The following VAC14 variants were observed in gnomAD, a reference collection of about 807,000 sequenced individuals.
The protein encoded by VAC14 is protein VAC14 homolog.
VAC14 carries 47 observed loss-of-function variants against 85.3 expected under a neutral mutation model. That is an observed-to-expected ratio of 0.55 (90% CI 0.44 to 0.70). VAC14 has a LOEUF of 0.70. Among genes scored for constraint, VAC14 ranks in the 30% least tolerant of loss-of-function variants. The pLI, the probability that VAC14 is intolerant of heterozygous loss-of-function variation, is 0.00. For missense variants in VAC14, 861 were observed against 1,004.3 expected (o/e 0.86, Z 1.93); for synonymous variants, 447 against 430.5 (o/e 1.04, Z -0.47).
chr16:70,693,844 C>A (rs948400539), intron 17 of VAC14, among the ~76,000 whole-genome samples: 4 of 152,322 alleles, frequency 2.6e-5, no homozygotes, highest in African/African-American at 9.6e-5. Flanking sequence ...GACTATGTCA[C>A]CCCTGGAGCG....
chr16:70,713,257 C>G (rs780497988), intron 14 of VAC14, among the ~76,000 whole-genome samples: 1 of 152,180 alleles, frequency 6.6e-6, no homozygotes. Flanking sequence ...TCAATGGAGA[C>G]GAAGCCCCCA....
chr16:70,737,509 C>T (rs1448662559), intron 13 of VAC14, among the ~76,000 whole-genome samples: 1 of 152,160 alleles, frequency 6.6e-6, no homozygotes, highest in East Asian at 1.9e-4. Flanking sequence ...AGAGTGCCAT[C>T]CCTCAGCTGA....
At position 70,688,069 on chromosome 16, in the gene VAC14, G is replaced by A. The variant is rs569266164; in HGVS notation, c.2208C>T (p.Pro736=). 1.9e-6 allele frequency: 3 copies of A among 1,592,030 alleles called. No individual in the cohort carries two copies. Among genetic ancestry groups the A allele is most frequent in the African/African-American group, 2.7e-5 (2 of 74,058 alleles). Reference sequence around the variant, plus strand: ...TAGGGGAGTCAGCTTTCTGGGACTTGGGGGCTGCCTTTAGACTGTCTCTGG... The same window carrying A: ...TAGGGGAGTCAGCTTTCTGGGACTTAGGGGCTGCCTTTAGACTGTCTCTGG... ...LQTEDSLKAA[P]KSQKADSPSI... is the part of the protein sequence containing the mutation. The change falls in exon 19 of 19, where the codon CCC becomes CCT. Residue 736 remains proline (P), a synonymous_variant. Coordinates refer to ENST00000261776, the MANE Select transcript of VAC14 (RefSeq NM_018052.5).
chr16:70,737,307 C>A (rs1336154276), intron 13 of VAC14, among the ~76,000 whole-genome samples: 1 of 152,206 alleles, frequency 6.6e-6, no homozygotes, highest in East Asian at 1.9e-4. Context: ...GCTCCGAGGA[C>A]CTCAGCGGTT....
At chr16:70,787,364 G>C (rs2034113242) in intron 1 of VAC14, among the ~76,000 whole-genome samples, 1 of 152,168 alleles carries the variant, frequency 6.6e-6, no homozygotes, top group East Asian at 1.9e-4. Flanking sequence ...GGGTAGGGTA[G>C]ACAGTGCCCC....
chr16:70,705,954 A>C (rs1422212140), intron 14 of VAC14, among the ~76,000 whole-genome samples: 1 of 152,182 alleles, frequency 6.6e-6, no homozygotes, highest in African/African-American at 2.4e-5. Flanking sequence ...AAGTGGCCTC[A>C]CTGGATACAG....
At chr16:70,747,923 A>C (rs1418624613) in intron 12 of VAC14, 6 of 148,602 alleles carry the variant, frequency 4.0e-5, no homozygotes, top group African/African-American at 1.5e-4. Context: ...GCCTGGAAAA[A>C]GCCACCGAGA....
intron 1 of VAC14, among the ~76,000 whole-genome samples, chr16:70,789,512 G>A (rs1013552774): frequency 3.9e-5 from 6 of 152,230 alleles, no homozygotes; most frequent in African/African-American, 1.2e-4. Flanking sequence ...CTGGGGCATT[G>A]GTGGTTCAGT....
intron 14 of VAC14, among the ~76,000 whole-genome samples, chr16:70,710,403 T>C (rs1308534842): frequency 1.3e-5 from 2 of 152,158 alleles, no homozygotes; most frequent in Non-Finnish European, 2.9e-5. Context: ...TGGAAAGGCA[T>C]CCCTGCATCT....
chr16:70,751,025 C>T (rs547738837), intron 12 of VAC14, among the ~76,000 whole-genome samples: 2 of 152,288 alleles, frequency 1.3e-5, no homozygotes, highest in African/African-American at 4.8e-5. Context: ...TAAATACTTG[C>T]TGACCTGCAG....
chr16:70,765,435 T>C (rs1230029693), intron 10 of VAC14, among the ~76,000 whole-genome samples: 4 of 152,302 alleles, frequency 2.6e-5, no homozygotes, highest in South Asian at 2.1e-4. Context: ...GCAGCCATGA[T>C]GGCTGTGAAA....
chr16:70,703,773 G>A (rs938274617), intron 14 of VAC14, among the ~76,000 whole-genome samples: 3 of 152,158 alleles, frequency 2.0e-5, no homozygotes, highest in African/African-American at 7.2e-5. Context: ...ACCTGCCCTC[G>A]GCCTGCTCTG....
At position 70,688,087 on chromosome 16, in the gene VAC14, GTC is replaced by G; in HGVS notation, c.2188_2189del (p.Asp730GlnfsTer12). On this transcript the variant is annotated frameshift_variant and splice_region_variant, in exon 19 of 19. Transcript: ENST00000261776. LOFTEE classifies it high-confidence loss of function. ...VPNPELLQTE[D>X]SLKAAPKSQK... ...GGGACTTGGGGGCTGCCTTTAGACTGTCTCTGGGAAGAGGGAGCAGAAATGCT... is the reference window on the plus strand; with the variant it reads ...GGGACTTGGGGGCTGCCTTTAGACTGTCTGGGAAGAGGGAGCAGAAATGCT... 1 of 1,569,528 alleles carries G rather than the reference GTC, an allele frequency of 6.4e-7. No individual in the cohort carries two copies.
chr16:70,743,855 C>T (rs558084447), intron 13 of VAC14, among the ~76,000 whole-genome samples: 9 of 152,296 alleles, frequency 5.9e-5, no homozygotes, highest in Non-Finnish European at 1.2e-4. Context: ...AGGGAAGTGG[C>T]GTCTGCCGAG....
chr16:70,753,560 G>A (rs753990772), intron 12 of VAC14, among the ~76,000 whole-genome samples: 1 of 152,204 alleles, frequency 6.6e-6, no homozygotes, highest in Non-Finnish European at 1.5e-5. Context: ...CTGAGAGCTG[G>A]GGGTATATGG....
intron 14 of VAC14, 61 bp downstream of exon 14, chr16:70,731,434 C>A (rs753554929): frequency 6.3e-7 from 1 of 1,578,832 alleles, no homozygotes; most frequent in Non-Finnish European, 8.6e-7. Flanking sequence ...ACTTGAATGG[C>A]GTGAAAGTGA....
At chr16:70,755,590 T>A (rs537756458) in intron 12 of VAC14, among the ~76,000 whole-genome samples, 1 of 152,350 alleles carries the variant, frequency 6.6e-6, no homozygotes, top group African/African-American at 2.4e-5. Context: ...ACCATGTGGA[T>A]TCATTAAGAC....
rs570335999 is a variant in VAC14 at position 70,755,571 on chromosome 16, T to C, written c.1371+6969A>G. Among the ~76,000 whole-genome samples the C allele has an allele frequency of 3.3e-5, 5 of 152,318 alleles. No homozygotes were observed. The East Asian group carries it at 9.7e-4, about 29-fold the overall frequency. On this transcript the variant is annotated intron_variant, in intron 12 of 18. Coordinates refer to ENST00000261776, the MANE Select transcript of VAC14 (RefSeq NM_018052.5). The stretch of plus-strand genomic sequence containing the variant: ...CACACCTCGGGGTAACTAAGATCAC[T>C]CCTGGACCACCATGTGGATTCATTA...
chr16:70,779,955 G>A (rs572441545), intron 9 of VAC14, among the ~76,000 whole-genome samples: 31 of 151,558 alleles, frequency 2.0e-4, no homozygotes, highest in African/African-American at 7.0e-4. Flanking sequence ...TGATCCTCCC[G>A]CTTCAGCTTC....
Sources: allele counts gnomAD v4.1 joint callset (sites outside exome capture counted in the v4.1 genomes callset), GRCh38; gene constraint gnomAD v4.1.1; transcripts MANE v1.5; gene names NCBI Gene and HGNC (gene_info 2026-07-23, HGNC 2026-07-21).